The following GSE1 variants were observed in gnomAD, a reference collection of about 807,000 sequenced individuals.
The protein encoded by GSE1 is genetic suppressor element 1.
Under a neutral mutation model 112.6 loss-of-function variants are expected in GSE1, and 32 were observed. The observed-to-expected ratio is 0.28, with a 90% confidence interval of 0.21 to 0.38. The LOEUF (loss-of-function observed/expected upper bound fraction) is 0.38, where lower values mean the gene tolerates loss of function less well. Ranked by LOEUF, GSE1 falls within the 10% of genes least tolerant of loss-of-function variation. GSE1 has a pLI of 1.00. For missense variants in GSE1, 2,348 were observed against 1,699.2 expected (o/e 1.38, Z -6.71); for synonymous variants, 1,115 against 735.6 (o/e 1.52, Z -8.35).
At chr16:85,585,811 T>C (rs2046666014) in intron 1 of GSE1, among the ~76,000 whole-genome samples, 1 of 152,238 alleles carries the variant, frequency 6.6e-6, no homozygotes, top group African/African-American at 2.4e-5. Flanking sequence ...TCCACATACA[T>C]TTCCTTTGGC....
chr16:85,588,963 G>A (rs12929752), intron 1 of GSE1, among the ~76,000 whole-genome samples: 1 of 152,072 alleles, frequency 6.6e-6, no homozygotes, highest in African/African-American at 2.4e-5. Flanking sequence ...TCACACACAC[G>A]TTCACACTAA....
At chr16:85,647,712 G>A (rs746294546) in intron 2 of GSE1, among the ~76,000 whole-genome samples, 7 of 152,250 alleles carry the variant, frequency 4.6e-5, no homozygotes, top group African/African-American at 1.7e-4. Flanking sequence ...TCCGCCTCCC[G>A]AGTAGCTGGG....
At position 85,672,803 on chromosome 16, in the gene GSE1, C is replaced by T. The variant is rs2053453539; in HGVS notation, c.*264C>T. ...TTTAAAGGTGGTTTTCGCCCTTCCT[C>T]TCCCACATTATTTCTTAATCTGAAC... On this transcript the variant is annotated 3_prime_UTR_variant, in exon 16 of 16. Transcript: ENST00000253458. 3.6e-6 allele frequency: 1 copy of T among 276,714 alleles called. No individual in the cohort carries two copies. The highest frequency in any genetic ancestry group is 6.8e-6 in the Non-Finnish European group (1 of 146,358). The allele number at this position is 276,714 out of a possible 1,614,324, so 17.1% of individuals were successfully genotyped here.
intron 1 of GSE1, among the ~76,000 whole-genome samples, chr16:85,307,908 G>C (rs993635245): frequency 6.6e-6 from 1 of 152,202 alleles, no homozygotes; most frequent in Admixed American, 6.5e-5. Context: ...TGTGAGTTCA[G>C]TTAATCCTTC....
At chr16:85,322,823 C>G (rs1324182157) in intron 1 of GSE1, among the ~76,000 whole-genome samples, 1 of 152,018 alleles carries the variant, frequency 6.6e-6, no homozygotes, top group African/African-American at 2.4e-5. Context: ...ACCATGTTGG[C>G]CAGGCTGGTC....
chr16:85,186,508 CAGG>C (rs2074704648), intron 1 of GSE1, among the ~76,000 whole-genome samples: 3 of 151,486 alleles, frequency 2.0e-5, no homozygotes, highest in Admixed American at 2.0e-4. Flanking sequence ...GAGGCTGAGG[CAGG>C]AGAATTGCTT....
intron 1 of GSE1, among the ~76,000 whole-genome samples, chr16:85,321,774 C>G (rs2046111700): frequency 6.7e-6 from 1 of 148,596 alleles, no homozygotes; most frequent in African/African-American, 2.5e-5. Flanking sequence ...GCCTGGGTGA[C>G]AGAGTGAGAG....
chr16:85,224,368 A>G (rs2075447304), intron 1 of GSE1, among the ~76,000 whole-genome samples: 1 of 150,416 alleles, frequency 6.6e-6, no homozygotes, highest in African/African-American at 2.5e-5. Context: ...AGCCAAACTC[A>G]TTAAAAAAAA....
intron 2 of GSE1, among the ~76,000 whole-genome samples, chr16:85,365,492 C>G (rs577727101): frequency 4.6e-5 from 7 of 152,338 alleles, no homozygotes; most frequent in Non-Finnish European, 8.8e-5. Context: ...CAAGTACAGA[C>G]AGGTTCATTG....
At chr16:85,478,864 T>C (rs1597885228) in intron 2 of GSE1, among the ~76,000 whole-genome samples, 2 of 35,696 alleles carry the variant, frequency 5.6e-5, no homozygotes, top group South Asian at 8.9e-4. Flanking sequence ...TCTTTCTTTC[T>C]TTCTTTCTTT....
chr16:85,648,838 G>T, intron 3 of GSE1, 87 bp downstream of exon 3: 3 of 742,536 alleles, frequency 4.0e-6, no homozygotes, highest in South Asian at 4.1e-5. Flanking sequence ...AGCTTTCGAG[G>T]TTGAGTTTAC....
intron 2 of GSE1, among the ~76,000 whole-genome samples, chr16:85,388,948 A>G (rs2047769256): frequency 6.6e-6 from 1 of 152,184 alleles, no homozygotes; most frequent in African/African-American, 2.4e-5. Context: ...TACAAGGTAA[A>G]GAAGTGTTCT....
chr16:85,170,658 G>A (rs912582856), exon 1 of GSE1: 15 of 985,518 alleles, frequency 1.5e-5, no homozygotes, highest in South Asian at 4.7e-5. Flanking sequence ...CGCTGTCCCC[G>A]GCCTCGCACC....
chr16:85,172,367 T>A (rs114949934), intron 1 of GSE1, among the ~76,000 whole-genome samples: 288 of 152,246 alleles, frequency 1.9e-3, no homozygotes, highest in African/African-American at 6.4e-3. Flanking sequence ...CATGGGGGTG[T>A]GGAATTTGAG....
intron 2 of GSE1, among the ~76,000 whole-genome samples, chr16:85,541,086 A>G (rs2151206836): frequency 6.6e-6 from 1 of 151,904 alleles, no homozygotes; most frequent in South Asian, 2.1e-4. Context: ...AATGGTGGGG[A>G]GCAGCAGGCA....
intron 2 of GSE1, among the ~76,000 whole-genome samples, chr16:85,509,330 A>C (rs988273168): frequency 6.6e-6 from 1 of 152,136 alleles, no homozygotes; most frequent in Non-Finnish European, 1.5e-5. Flanking sequence ...CGGTCTTCAG[A>C]GGCTGCCTGA....
chr16:85,532,026 G>T (rs2044155210), intron 2 of GSE1, among the ~76,000 whole-genome samples: 1 of 152,206 alleles, frequency 6.6e-6, no homozygotes, highest in African/African-American at 2.4e-5. Context: ...ACAGTGACAA[G>T]TCTTCAGCAC....
At position 85,657,441 on chromosome 16, in the gene GSE1, G is replaced by C; in HGVS notation, c.1477G>C (p.Glu493Gln). The change falls in exon 8 of 16, where the codon GAG becomes CAG. Residue 493 changes from glutamate (E) to glutamine (Q), a missense_variant. Glu to Gln is a conservative substitution (Grantham distance 29, BLOSUM62 2). Coordinates refer to ENST00000253458, the MANE Select transcript of GSE1 (RefSeq NM_014615.5). ...ATALLIQRTNEEEKWLARQRR... is the reference protein window; with the variant it reads ...ATALLIQRTNQEEKWLARQRR... ...AGCCCTGCTGATCCAGCGCACCAAT[G>C]AGGAGGAGAAGTGGCTGGCGCGGCA... 1 of 1,612,598 alleles carries C rather than the reference G, an allele frequency of 6.2e-7. No individual in the cohort carries two copies. The highest frequency in any genetic ancestry group is 8.5e-7 in the Non-Finnish European group (1 of 1,179,784).
chr16:85,459,163 G>A (rs1229153456), intron 2 of GSE1, among the ~76,000 whole-genome samples: 2 of 152,212 alleles, frequency 1.3e-5, no homozygotes, highest in African/African-American at 4.8e-5. Flanking sequence ...GCATCGGGGT[G>A]AAGTCAGAGG....
Sources: allele counts gnomAD v4.1 joint callset (sites outside exome capture counted in the v4.1 genomes callset), GRCh38; gene constraint gnomAD v4.1.1; transcripts MANE v1.5; gene names NCBI Gene and HGNC (gene_info 2026-07-23, HGNC 2026-07-21).